The following NEGR1 variants were observed in gnomAD, a reference collection of about 807,000 sequenced individuals.
NEGR1 encodes the protein neuronal growth regulator 1.
Under a neutral mutation model 40.9 loss-of-function variants are expected in NEGR1, and 10 were observed. The observed-to-expected ratio is 0.24, with a 90% confidence interval of 0.15 to 0.42. NEGR1 has a LOEUF of 0.42. Ranked by LOEUF, NEGR1 falls within the 10% of genes least tolerant of loss-of-function variation. NEGR1 has a pLI of 1.00. For missense variants in NEGR1, 352 were observed against 438.9 expected (o/e 0.80, Z 1.77); for synonymous variants, 185 against 166.8 (o/e 1.11, Z -0.84).
intron 2 of NEGR1, among the ~76,000 whole-genome samples, chr1:71,862,815 G>A (rs1459650747): frequency 6.6e-6 from 1 of 152,070 alleles, no homozygotes; most frequent in Non-Finnish European, 1.5e-5. Context: ...CTCAAAAGAA[G>A]ACATTCATGC....
intron 4 of NEGR1, among the ~76,000 whole-genome samples, chr1:71,612,217 G>A (rs780693767): frequency 1.1e-4 from 17 of 152,236 alleles, no homozygotes; most frequent in African/African-American, 2.2e-4. Context: ...GCAAGACTCC[G>A]TCTCAAAACA....
chr1:71,696,809 C>G (rs1653489032), intron 4 of NEGR1, among the ~76,000 whole-genome samples: 1 of 151,722 alleles, frequency 6.6e-6, no homozygotes. Flanking sequence ...ATGTGGGTAC[C>G]AGGAGTTTTC....
chr1:72,194,075 G>T (rs1199602956), intron 1 of NEGR1, among the ~76,000 whole-genome samples: 3 of 151,894 alleles, frequency 2.0e-5, no homozygotes, highest in East Asian at 3.9e-4. Context: ...AATTTAAAGA[G>T]CATATAGTTG....
intron 1 of NEGR1, among the ~76,000 whole-genome samples, chr1:72,013,107 A>G (rs1040641586): frequency 5.9e-5 from 9 of 151,966 alleles, no homozygotes; most frequent in Non-Finnish European, 1.2e-4. Flanking sequence ...GGGAATATAG[A>G]CAATTCTTTT....
chr1:71,576,726 G>T (rs963592303), intron 6 of NEGR1, among the ~76,000 whole-genome samples: 1 of 152,202 alleles, frequency 6.6e-6, no homozygotes, highest in Non-Finnish European at 1.5e-5. Flanking sequence ...TGTAGGTAAA[G>T]GCCAGTGGGC....
At chr1:71,597,768 G>A (rs915290129) in intron 5 of NEGR1, among the ~76,000 whole-genome samples, 2 of 151,668 alleles carry the variant, frequency 1.3e-5, no homozygotes, top group Non-Finnish European at 2.9e-5. Flanking sequence ...TTAGCCAGGC[G>A]TGGTAATCCC....
At position 71,403,883 on chromosome 1, in the gene NEGR1, C is replaced by T. The variant is rs1646260502; in HGVS notation, c.*3563G>A. On this transcript the variant is annotated 3_prime_UTR_variant, in exon 7 of 7. Transcript: ENST00000357731. The stretch of plus-strand genomic sequence containing the variant: ...AATACATATTCAAAGAATCTTAAGG[C>T]ATACCATTTATTCATATTCATATCT... 2.6e-6 allele frequency: 1 copy of T among 382,684 alleles called. No homozygotes were observed. Among genetic ancestry groups the T allele is most frequent in the South Asian group, 1.3e-4 (1 of 7,686 alleles). The allele number at this position is 382,684 out of a possible 1,614,324, so 23.7% of individuals were successfully genotyped here. A position where few individuals can be genotyped will look rare whatever the true frequency, so the allele number is the denominator to read the frequency against.
chr1:72,271,214 T>C (rs1186301380), intron 1 of NEGR1, among the ~76,000 whole-genome samples: 3 of 151,860 alleles, frequency 2.0e-5, no homozygotes, highest in Admixed American at 6.6e-5. Context: ...GAATTAATAA[T>C]TGTTGAACAA....
chr1:71,903,469 A>G (rs529911331), intron 2 of NEGR1, among the ~76,000 whole-genome samples: 1 of 152,074 alleles, frequency 6.6e-6, no homozygotes, highest in East Asian at 1.9e-4. Flanking sequence ...TTTAACTAAG[A>G]TATTTATAAT....
At chr1:71,417,148 T>C (rs1646361382) in intron 6 of NEGR1, among the ~76,000 whole-genome samples, 1 of 152,214 alleles carries the variant, frequency 6.6e-6, no homozygotes, top group Admixed American at 6.5e-5. Context: ...CTTTTGCCTA[T>C]ACTTCATCTA....
chr1:72,199,142 T>TAGATAG (rs1268615373), intron 1 of NEGR1, among the ~76,000 whole-genome samples: 84 of 143,154 alleles, frequency 5.9e-4, no homozygotes, highest in South Asian at 8.9e-4. Context: ...TCTATCTAGA[T>TAGATAG]AGACAGACAG....
intron 1 of NEGR1, among the ~76,000 whole-genome samples, chr1:71,960,282 G>A (rs1646154445): frequency 6.6e-6 from 1 of 151,900 alleles, no homozygotes; most frequent in South Asian, 2.1e-4. Context: ...ACTTTCTATG[G>A]GGAAAAAAAT....
intron 3 of NEGR1, among the ~76,000 whole-genome samples, chr1:71,756,074 A>G (rs1488075034): frequency 6.6e-6 from 1 of 152,174 alleles, no homozygotes; most frequent in African/African-American, 2.4e-5. Flanking sequence ...GAGATATCCA[A>G]GAAAAAGTTA....
At chr1:71,860,265 T>C (rs1226061873) in intron 2 of NEGR1, among the ~76,000 whole-genome samples, 3 of 151,858 alleles carry the variant, frequency 2.0e-5, no homozygotes, top group African/African-American at 7.3e-5. Flanking sequence ...TGCTTGCTTG[T>C]TTTATAGCAT....
At chr1:71,833,079 T>G (rs1658894099) in intron 2 of NEGR1, among the ~76,000 whole-genome samples, 1 of 152,018 alleles carries the variant, frequency 6.6e-6, no homozygotes, top group Non-Finnish European at 1.5e-5. Flanking sequence ...AGAATACATT[T>G]TTATGACTTC....
chr1:71,876,539 G>A (rs547874576), intron 2 of NEGR1, among the ~76,000 whole-genome samples: 1 of 150,618 alleles, frequency 6.6e-6, no homozygotes, highest in South Asian at 2.1e-4. Flanking sequence ...AGAGAGAGAG[G>A]AGACAGAGAG....
intron 1 of NEGR1, among the ~76,000 whole-genome samples, chr1:72,272,963 G>C (rs1557608566): frequency 6.7e-6 from 1 of 150,170 alleles, no homozygotes. Flanking sequence ...CCTTTTCTTA[G>C]AGAAAGTGAT....
In NEGR1 at chr1:71,739,321, T is replaced by C. The variant is rs531344064; in HGVS notation, c.535+36851A>G. 6.6e-5 allele frequency among the ~76,000 whole-genome samples: 10 copies of C among 152,198 alleles called. 1 individual carries two copies. The highest frequency in any genetic ancestry group is 6.5e-4 in the Admixed American group (10 of 15,280). Reference sequence around the variant, plus strand: ...CCCTTGAATGTCAGACTCCAGGTTCTTCAGCTTTGGGACTCAGACTGGCTT... The same window carrying C: ...CCCTTGAATGTCAGACTCCAGGTTCCTCAGCTTTGGGACTCAGACTGGCTT... On this transcript the variant is annotated intron_variant, in intron 3 of 6. Transcript: ENST00000357731.
intron 4 of NEGR1, among the ~76,000 whole-genome samples, chr1:71,694,854 CT>C (rs1323674523): frequency 2.6e-5 from 4 of 151,708 alleles, no homozygotes; most frequent in Non-Finnish European, 5.9e-5. Flanking sequence ...CATGAAGCTA[CT>C]GTAATTCTAT....
Sources: allele counts gnomAD v4.1 joint callset (sites outside exome capture counted in the v4.1 genomes callset), GRCh38; gene constraint gnomAD v4.1.1; transcripts MANE v1.5; gene names NCBI Gene and HGNC (gene_info 2026-07-23, HGNC 2026-07-21).